Variants in DNAH10 observed in about 807,000 individuals in gnomAD.
The protein encoded by DNAH10 is axonemal beta dynein heavy chain 10.
Under a neutral mutation model 506.6 loss-of-function variants are expected in DNAH10, and 348 were observed. The observed-to-expected ratio is 0.69, with a 90% CI of 0.63 to 0.75. DNAH10 has a LOEUF of 0.75. Ranked by LOEUF, DNAH10 falls within the 30% of genes least tolerant of loss-of-function variation. DNAH10 has a pLI of 0.00. For missense variants in DNAH10, 5,179 were observed against 5,787.1 expected (o/e 0.89, Z 3.41); for synonymous variants, 2,059 against 2,198.6 (o/e 0.94, Z 1.78).
rs908901098 is a variant in DNAH10, at chr12:123,928,834, G to A, written c.12306+247G>A. The A allele has an allele frequency of 1.7e-5, 9 of 541,152 alleles. No homozygotes were observed. The highest frequency in any genetic ancestry group is 1.0e-4 in the South Asian group (4 of 38,480). The allele number at this position is 541,152 out of a possible 1,614,324, so 33.5% of individuals were successfully genotyped here. On this transcript the variant is annotated intron_variant, in intron 70 of 78. Transcript: ENST00000673944. This position sits in a 1 kb window ranked among gnomAD's most constrained non-coding sequence, Gnocchi z 4.9. ...TGCATGTGTCCCTAACAATATCTAC[G>A]CTACTTTTCATAAACTTCACGGCCC...
rs11057373 is a variant in DNAH10, at chr12:123,859,233, C to G, written c.6714C>G (p.Ser2238=). 1 of 1,609,806 alleles carries G rather than the reference C, an allele frequency of 6.2e-7. No homozygotes were observed. Among genetic ancestry groups the G allele is most frequent in the Non-Finnish European group, 8.5e-7 (1 of 1,178,560 alleles). Residue 2238 remains serine (S), a synonymous_variant, in exon 38 of 79, where the codon TCC becomes TCG. Transcript: ENST00000673944. ...TGGGGCCCACCAGAGGGGGCAAGTC[C>G]GTCGTCATTAACACTCTGTGTCAGG... The part of the protein sequence containing the change: ...MVVGPTRGGK[S]VVINTLCQAQ...
Position 123,910,756 on chromosome 12 carries a change from A to AGG in DNAH10, c.10134+84_10134+85insGG. On this transcript the variant is annotated intron_variant, in intron 59 of 78. Transcript: ENST00000673944. ...TTCACATGTACATACCTTTGCTGAAAAACTTCTCCCGAGGTTCTGACTTCA... is the reference window on the plus strand; with the variant it reads ...TTCACATGTACATACCTTTGCTGAAAGGAACTTCTCCCGAGGTTCTGACTTCA... 2.0e-6 allele frequency: 3 copies of AGG among 1,515,028 alleles called. No individual in the cohort carries two copies. The African/African-American group carries it at 4.2e-5, about 21-fold the overall frequency. 93.8% of individuals were successfully genotyped at this position (1,515,028 alleles called of 1,614,324 possible).
At chr12:123,843,790 C>G (rs1950853770) in intron 30 of DNAH10, among the ~76,000 whole-genome samples, 2 of 152,210 alleles carry the variant, frequency 1.3e-5, no homozygotes, top group Admixed American at 1.3e-4. Context: ...GTTGGCCAGG[C>G]TGGTCTCGAA....
rs551732648 is a variant in DNAH10, at chr12:123,840,737, C to T, written c.5137-585C>T. Among the ~76,000 whole-genome samples the T allele has an allele frequency of 2.0e-5, 3 of 152,112 alleles. No homozygotes were observed. The East Asian group carries it at 5.8e-4, about 29-fold the overall frequency. On this transcript the variant is annotated intron_variant, in intron 29 of 78. Transcript: ENST00000673944. The stretch of plus-strand genomic sequence containing the variant: ...TTGTGAGTGCCTTGTATATGGTGGG[C>T]CCTAAAGGACTCATTGTCCTAAATG...
chr12:123,833,510 A>G (rs1339022501), intron 27 of DNAH10, among the ~76,000 whole-genome samples, 163 bp downstream of exon 27: 1 of 152,224 alleles, frequency 6.6e-6, no homozygotes, highest in Non-Finnish European at 1.5e-5. Flanking sequence ...TGAGGACAAG[A>G]GTGCATGATC....
chr12:123,804,803 G>A lies in DNAH10; in HGVS notation c.2780-30G>A, dbSNP rs369914853. 263 of 1,592,958 alleles carry A rather than the reference G, an allele frequency of 1.7e-4. 1 individual carries two copies. The African/African-American group carries it at 3.1e-3, about 19-fold the overall frequency. On this transcript the variant is annotated intron_variant, in intron 17 of 78. Coordinates refer to ENST00000673944, the MANE Select transcript of DNAH10 (RefSeq NM_001372106.1). The stretch of plus-strand genomic sequence containing the variant: ...AGTGCTGTCCTTCCCTGTGTTCGTG[G>A]ACAGCTCTAACAGACATCTTTCTCT...
In DNAH10 at chr12:123,919,838, G is replaced by T. The variant is rs768762508; in HGVS notation, c.11506+889G>T. ...GTCACATTCCATGTATGGACAGACCGCACTGTGTTTATCCACCCGTCACCT... is the reference window on the plus strand; with the variant it reads ...GTCACATTCCATGTATGGACAGACCTCACTGTGTTTATCCACCCGTCACCT... On this transcript the variant is annotated intron_variant, in intron 65 of 78. Transcript: ENST00000673944. This position sits in a 1 kb window ranked among gnomAD's most constrained non-coding sequence, Gnocchi z 4.9. Among the ~76,000 whole-genome samples, 2 of 152,236 alleles carry T rather than the reference G, an allele frequency of 1.3e-5. No homozygotes were observed. Among genetic ancestry groups the T allele is most frequent in the Admixed American group, 6.5e-5 (1 of 15,290 alleles).
rs1224559340 is a variant in DNAH10, at chr12:123,898,606, G to A, written c.9479-47G>A. ...AGGCAAATCTCAGTGATTGTGTTGCGAACAGTGGCCACCTCGACGATGAAC... is the reference window on the plus strand; with the variant it reads ...AGGCAAATCTCAGTGATTGTGTTGCAAACAGTGGCCACCTCGACGATGAAC... On this transcript the variant is annotated intron_variant, in intron 55 of 78. Coordinates refer to ENST00000673944, the MANE Select transcript of DNAH10 (RefSeq NM_001372106.1). 1.0e-5 allele frequency: 15 copies of A among 1,454,050 alleles called. No homozygotes were observed. The African/African-American group carries it at 1.5e-4, about 14-fold the overall frequency. The allele number at this position is 1,454,050 out of a possible 1,614,324, so 90.1% of individuals were successfully genotyped here.
intron 38 of DNAH10, among the ~76,000 whole-genome samples, chr12:123,860,083 C>A (rs1174049102): frequency 6.6e-6 from 1 of 151,872 alleles, no homozygotes; most frequent in Non-Finnish European, 1.5e-5. Flanking sequence ...GAATTGAAAG[C>A]CTTCTACTGA....
At position 123,850,806 on chromosome 12, in the gene DNAH10, G is replaced by A. The variant is rs1266785428; in HGVS notation, c.6103-82G>A. 1 of 1,408,326 alleles carries A rather than the reference G, an allele frequency of 7.1e-7. No homozygotes were observed. Among genetic ancestry groups the A allele is most frequent in the East Asian group, 2.4e-5 (1 of 42,376 alleles). 87.2% of individuals were successfully genotyped at this position (1,408,326 alleles called of 1,614,324 possible). A position where few individuals can be genotyped will look rare whatever the true frequency, so the allele number is the denominator to read the frequency against. Reference sequence around the variant, plus strand: ...TACCATGAAAATGAATCGCCACGCAGCTCGCCGCAGGCCCCCTTTCCAAGG... The same window carrying A: ...TACCATGAAAATGAATCGCCACGCAACTCGCCGCAGGCCCCCTTTCCAAGG... On this transcript the variant is annotated intron_variant, in intron 34 of 78. Transcript: ENST00000673944. The surrounding 1 kb of genome is among the most constrained non-coding windows in gnomAD (Gnocchi z 5.5).
chr12:123,833,340 T>C lies in DNAH10; in HGVS notation c.4772T>C (p.Val1591Ala). Residue 1591 changes from valine (V) to alanine (A), a missense_variant, in exon 27 of 79, where the codon GTC (valine) becomes GCC (alanine). This residue lies in a region of DNAH10 where 4,844 missense variants were observed against 5,430.5 expected (regional missense o/e 0.89). Coordinates refer to ENST00000673944, the MANE Select transcript of DNAH10 (RefSeq NM_001372106.1). Reference protein sequence around the residue: ...WEKTLSLIGEVIEIWMLVQRK... With the variant: ...WEKTLSLIGEAIEIWMLVQRK... ...AAAACGCTTTCTCTAATAGGGGAAGTCATTGAGGTGAGAGAAAAGATGAAC... is the reference window on the plus strand; with the variant it reads ...AAAACGCTTTCTCTAATAGGGGAAGCCATTGAGGTGAGAGAAAAGATGAAC... The C allele has an allele frequency of 1.2e-6, 2 of 1,609,328 alleles. No homozygotes were observed. The highest frequency in any genetic ancestry group is 1.7e-6 in the Non-Finnish European group (2 of 1,177,500).
rs1471740977 is a variant in DNAH10, at chr12:123,841,542, G to A, written c.5357G>A (p.Ser1786Asn). 3.1e-6 allele frequency: 5 copies of A among 1,613,524 alleles called. No individual in the cohort carries two copies. In the Middle Eastern group the frequency reaches 5.0e-4, roughly 160 times the overall value. ...ATTTTTAGATACTGTGAAGACAGAA[G>A]CAGGTAAGGCTGCGAATGTGGACAT... ...EAIFRYCEDR[S>N]RVDWMLLYQG... The change falls in exon 30 of 79, where the codon AGC becomes AAC. Residue 1786 changes from serine (S) to asparagine (N), a missense_variant. Coordinates refer to ENST00000673944, the MANE Select transcript of DNAH10 (RefSeq NM_001372106.1).
In DNAH10 at chr12:123,920,198, C is replaced by T. The variant is rs192923187; in HGVS notation, c.11506+1249C>T. On this transcript the variant is annotated intron_variant, in intron 65 of 78. Coordinates refer to ENST00000673944, the MANE Select transcript of DNAH10 (RefSeq NM_001372106.1). ...GCTCTGGATTTGTTTATATGTAACACGGTTCCCCATCAACCCAGATTATGT... is the reference window on the plus strand; with the variant it reads ...GCTCTGGATTTGTTTATATGTAACATGGTTCCCCATCAACCCAGATTATGT... 1.6e-3 allele frequency among the ~76,000 whole-genome samples: 251 copies of T among 152,354 alleles called. 3 individuals carry two copies. Among genetic ancestry groups the T allele is most frequent in the African/African-American group, 5.8e-3 (242 of 41,574 alleles).
intron 24 of DNAH10, among the ~76,000 whole-genome samples, chr12:123,821,915 CAAAAAAA>C (rs903372872): frequency 2.6e-5 from 4 of 151,224 alleles, no homozygotes; most frequent in Non-Finnish European, 5.9e-5. Flanking sequence ...CTAAAAAATA[CAAAAAAA>C]AGTTCCGGGC....
At chr12:123,774,768 C>T (rs547643893) in intron 5 of DNAH10, among the ~76,000 whole-genome samples, 109 of 152,300 alleles carry the variant, frequency 7.2e-4, no homozygotes, top group Non-Finnish European at 9.1e-4. Flanking sequence ...CCCTCATTCC[C>T]GTAAACCCAC....
intron 65 of DNAH10, among the ~76,000 whole-genome samples, chr12:123,922,169 T>TG (rs1381125365): frequency 6.6e-6 from 1 of 152,038 alleles, no homozygotes; most frequent in African/African-American, 2.4e-5. Flanking sequence ...GGTCAAGAGA[T>TG]GGAGACCATC....
chr12:123,816,152 G>C (rs1000196203), intron 21 of DNAH10, among the ~76,000 whole-genome samples: 1 of 152,144 alleles, frequency 6.6e-6, no homozygotes, highest in African/African-American at 2.4e-5. Flanking sequence ...TTTGTCCCTG[G>C]TTCCTGGCGC....
At chr12:123,911,871 T>G (rs1211754817) in intron 59 of DNAH10, among the ~76,000 whole-genome samples, 1 of 3,836 alleles carries the variant, frequency 2.6e-4, no homozygotes, top group Non-Finnish European at 4.3e-4. Flanking sequence ...TGTCTGTCCT[T>G]GGGGGGGGTC....
chr12:123,767,555 G>T (rs1477326729), intron 1 of DNAH10, 51 bp from the exon 2 acceptor site: 3 of 1,539,046 alleles, frequency 1.9e-6, no homozygotes, highest in Non-Finnish European at 2.7e-6. Flanking sequence ...GGTGTTTCAT[G>T]CAGTGAACAA....
Sources: gnomAD v4.1 joint callset for allele counts (sites outside exome capture counted in the v4.1 genomes callset) on GRCh38, gnomAD v4.1.1 for gene constraint, gnomAD v4.1.1 regional missense constraint, Gnocchi (gnomAD v3.1) non-coding constraint, MANE v1.5 for transcripts, NCBI Gene and HGNC (gene_info 2026-07-23, HGNC 2026-07-21) for gene names.